Variants in BTNL8 observed in about 807,000 individuals in gnomAD.
The protein encoded by BTNL8 is butyrophilin like 8, also known as butyrophilin-like protein 8.
BTNL8 carries 22 observed loss-of-function variants against 36.1 expected under a neutral mutation model. The observed-to-expected ratio is 0.61, with a 90% confidence interval of 0.44 to 0.87. The LOEUF (loss-of-function observed/expected upper bound fraction) is 0.87. Ranked by LOEUF, BTNL8 falls within the 40% of genes least tolerant of loss-of-function variation. BTNL8 has a pLI of 0.00. For synonymous variants in BTNL8, 203 were observed against 235.6 expected, an observed-to-expected ratio of 0.86 and a Z score of 1.27; for missense variants, 526 against 616.9, an observed-to-expected ratio of 0.85 and a Z score of 1.56.
chr5:180,947,807 A>G, intron 4 of BTNL8, 182 bp downstream of exon 4: 3 of 1,584,812 alleles, frequency 1.9e-6, no homozygotes, highest in Non-Finnish European at 2.6e-6. Context: ...GGAAATATCA[A>G]CTACGACAGC....
chr5:180,934,294 A>G (rs1758540816), intron 3 of BTNL8, among the ~76,000 whole-genome samples: 1 of 152,252 alleles, frequency 6.6e-6, no homozygotes, highest in African/African-American at 2.4e-5. Flanking sequence ...ATGTACTTCA[A>G]TACAATAAAA....
In BTNL8 at chr5:180,950,696, G is replaced by A; in HGVS notation, c.*152G>A. The A allele has an allele frequency of 1.2e-6, 1 of 801,920 alleles. No individual in the cohort carries two copies. The highest frequency in any genetic ancestry group is 1.9e-6 in the Non-Finnish European group (1 of 528,524). The allele number at this position is 801,920 out of a possible 1,614,324, so 49.7% of individuals were successfully genotyped here. On this transcript the variant is annotated 3_prime_UTR_variant, in exon 8 of 8. Coordinates refer to ENST00000340184, the MANE Select transcript of BTNL8 (RefSeq NM_001040462.3). Reference sequence around the variant, plus strand: ...GTGTCATGGCTGCCCTGAGCTGGGAGGGAAGAAGGCTGACATTACATTTAG... The same window carrying A: ...GTGTCATGGCTGCCCTGAGCTGGGAAGGAAGAAGGCTGACATTACATTTAG...
At chr5:180,920,612 A>G (rs1358670774) in intron 3 of BTNL8, among the ~76,000 whole-genome samples, 1 of 152,076 alleles carries the variant, frequency 6.6e-6, no homozygotes, top group African/African-American at 2.4e-5. Flanking sequence ...TCAAACTAAA[A>G]AGCTTTTGCA....
intron 3 of BTNL8, among the ~76,000 whole-genome samples, chr5:180,919,249 T>C (rs1382172797): frequency 6.6e-6 from 1 of 152,224 alleles, no homozygotes; most frequent in Non-Finnish European, 1.5e-5. Flanking sequence ...TCTGTTGTAA[T>C]GTTAATGCTG....
Position 180,899,281 on chromosome 5 carries a change from T to C in BTNL8, c.-30T>C, listed in dbSNP as rs775211948. ...TCACCTCTCCTGTCATCCGTTTCCA[T>C]GCCGTGAGGTCCATTCACAGAACAC... On this transcript the variant is annotated 5_prime_UTR_variant, in exon 1 of 8. An upstream start codon of the reference 5' UTR is lost. Transcript: ENST00000340184. 6.2e-7 allele frequency: 1 copy of C among 1,613,116 alleles called. No homozygotes were observed. Among genetic ancestry groups the C allele is most frequent in the African/African-American group, 1.3e-5 (1 of 75,026 alleles).
intron 3 of BTNL8, among the ~76,000 whole-genome samples, chr5:180,932,819 G>T (rs554504996): frequency 6.6e-6 from 1 of 152,222 alleles, no homozygotes; most frequent in South Asian, 2.1e-4. Flanking sequence ...TAAAATGGAA[G>T]TCTGTACCTA....
At chr5:180,941,813 C>T (rs916014420) in intron 3 of BTNL8, among the ~76,000 whole-genome samples, 5 of 151,550 alleles carry the variant, frequency 3.3e-5, no homozygotes, top group African/African-American at 1.2e-4. Flanking sequence ...ATCAAGGTCA[C>T]ATATGACAAA....
chr5:180,940,578 G>A (rs1438940457), intron 3 of BTNL8, among the ~76,000 whole-genome samples: 1 of 151,940 alleles, frequency 6.6e-6, no homozygotes, highest in Non-Finnish European at 1.5e-5. Context: ...ATGAAATAAA[G>A]ACCAAAATTA....
chr5:180,924,578 C>T (rs1460205854), intron 3 of BTNL8, among the ~76,000 whole-genome samples: 1 of 152,198 alleles, frequency 6.6e-6, no homozygotes, highest in Non-Finnish European at 1.5e-5. Context: ...CCCAGCCCAA[C>T]TAGAGAACCC....
At chr5:180,934,311 T>G (rs1013582965) in intron 3 of BTNL8, among the ~76,000 whole-genome samples, 2 of 152,222 alleles carry the variant, frequency 1.3e-5, no homozygotes, top group African/African-American at 4.8e-5. Flanking sequence ...AAAAGCCATA[T>G]ATGACAACCC....
intron 3 of BTNL8, among the ~76,000 whole-genome samples, chr5:180,914,158 TA>T (rs1757523036): frequency 6.6e-6 from 1 of 152,214 alleles, no homozygotes; most frequent in Admixed American, 6.5e-5. Flanking sequence ...GTGGGCTTTT[TA>T]GGAGGTGATT....
intron 3 of BTNL8, among the ~76,000 whole-genome samples, chr5:180,917,598 T>G: frequency 9.2e-6 from 1 of 109,210 alleles, no homozygotes; most frequent in South Asian, 2.8e-4. Context: ...AAAAACTGAA[T>G]CAGAATAATT....
At chr5:180,920,595 G>A (rs1757819241) in intron 3 of BTNL8, among the ~76,000 whole-genome samples, 1 of 151,948 alleles carries the variant, frequency 6.6e-6, no homozygotes, top group Admixed American at 6.6e-5. Flanking sequence ...GAACAAGTAA[G>A]ATTACATCAA....
intron 3 of BTNL8, among the ~76,000 whole-genome samples, chr5:180,913,657 A>G (rs941455563): frequency 2.0e-5 from 3 of 152,158 alleles, no homozygotes; most frequent in Non-Finnish European, 4.4e-5. Flanking sequence ...AAAGGCCTCT[A>G]TCGTTTGGTT....
intron 3 of BTNL8, among the ~76,000 whole-genome samples, chr5:180,930,611 G>C (rs914117774): frequency 6.6e-6 from 1 of 152,124 alleles, no homozygotes; most frequent in Non-Finnish European, 1.5e-5. Context: ...CTTTAGCAAA[G>C]TCTCGGGATA....
Position 180,948,339 on chromosome 5 carries a change from A to G in BTNL8, c.788-16A>G. 1 of 1,465,320 alleles carries G rather than the reference A, an allele frequency of 6.8e-7. No individual in the cohort carries two copies. Among genetic ancestry groups the G allele is most frequent in the Non-Finnish European group, 9.4e-7 (1 of 1,059,802 alleles). The allele number at this position is 1,465,320 out of a possible 1,614,324, so 90.8% of individuals were successfully genotyped here. On this transcript the variant is annotated splice_polypyrimidine_tract_variant and intron_variant, in intron 4 of 7. Transcript: ENST00000340184. ...CACTCCTGTGTCCACCACTGAATAT[A>G]CTGTTTCTGTTTCAGGGAAAATCCA...
At position 180,908,810 on chromosome 5, in the gene BTNL8, A is replaced by G. The variant is rs752267907; in HGVS notation, c.274A>G (p.Ile92Val). The change falls in exon 2 of 8, where the codon ATT becomes GTT. Residue 92 changes from isoleucine (I) to valine (V), a missense_variant. By Grantham distance (29) the Ile-to-Val change is conservative. Coordinates refer to ENST00000340184, the MANE Select transcript of BTNL8 (RefSeq NM_001040462.3). ...CAGGACAAAACTGGTGAAGGATTCT[A>G]TTGCGGAGGGGCGCATCTCTCTGAG... ...QGRTKLVKDS[I>V]AEGRISLRLE... 2.5e-6 allele frequency: 4 copies of G among 1,614,020 alleles called. No individual in the cohort carries two copies. In the African/African-American group the frequency reaches 4.0e-5, roughly 16 times the overall value.
chr5:180,932,714 A>C (rs1413481449), intron 3 of BTNL8, among the ~76,000 whole-genome samples: 1 of 152,204 alleles, frequency 6.6e-6, no homozygotes, highest in Non-Finnish European at 1.5e-5. Flanking sequence ...AAGGATTCAA[A>C]GCATGCAACT....
At chr5:180,944,785 A>G (rs1759159017) in intron 3 of BTNL8, among the ~76,000 whole-genome samples, 1 of 152,210 alleles carries the variant, frequency 6.6e-6, no homozygotes, top group Non-Finnish European at 1.5e-5. Context: ...ATGAACAATT[A>G]TTACATCAAT....
Sources: gnomAD v4.1 joint callset for allele counts (sites outside exome capture counted in the v4.1 genomes callset) on GRCh38, gnomAD v4.1.1 for gene constraint, MANE v1.5 for transcripts, NCBI Gene and HGNC (gene_info 2026-07-23, HGNC 2026-07-21) for gene names.